The following UBE3D variants were observed in gnomAD, a reference collection of about 807,000 sequenced individuals.
UBE3D encodes E3 ubiquitin-protein ligase E3D.
In UBE3D, 48 loss-of-function variants were observed where a neutral mutation model predicts 49.6. That is an observed-to-expected ratio of 0.97 (90% CI 0.77 to 1.23). The LOEUF (loss-of-function observed/expected upper bound fraction) is 1.23. UBE3D is among the 50% of genes most tolerant of loss of function. UBE3D has a pLI of 0.00. For synonymous variants in UBE3D, 189 were observed against 174.2 expected, an observed-to-expected ratio of 1.08 and a Z score of -0.67; for missense variants, 452 against 468.4, an observed-to-expected ratio of 0.96 and a Z score of 0.32.
At chr6:82,982,544 C>T (rs1054820770) in intron 8 of UBE3D, among the ~76,000 whole-genome samples, 21 of 152,120 alleles carry the variant, frequency 1.4e-4, no homozygotes, top group Non-Finnish European at 2.4e-4. Context: ...TGGATTTTGC[C>T]AGTTGCAACA....
chr6:83,004,607 T>C (rs1469037404), intron 8 of UBE3D, among the ~76,000 whole-genome samples: 1 of 152,194 alleles, frequency 6.6e-6, no homozygotes, highest in African/African-American at 2.4e-5. Context: ...ATAATTTTGT[T>C]TAATAATAAT....
chr6:83,049,852 C>T, intron 3 of UBE3D: 3 of 467,264 alleles, frequency 6.4e-6, no homozygotes, highest in Non-Finnish European at 1.3e-5. Context: ...TTCTAAAATA[C>T]ATAAATTCCA....
At chr6:83,018,911 C>T in intron 8 of UBE3D, 62 bp downstream of exon 8, 1 of 1,584,862 alleles carries the variant, frequency 6.3e-7, no homozygotes, top group Non-Finnish European at 8.6e-7. Flanking sequence ...AATTTCTTAA[C>T]ACCAACATGA....
intron 9 of UBE3D, among the ~76,000 whole-genome samples, chr6:82,893,522 C>T: frequency 6.6e-6 from 1 of 152,140 alleles, no homozygotes; most frequent in Non-Finnish European, 1.5e-5. Flanking sequence ...AAAATTAATT[C>T]ACACAGTCTT....
At chr6:82,997,088 C>T (rs1285644352) in intron 8 of UBE3D, among the ~76,000 whole-genome samples, 3 of 152,062 alleles carry the variant, frequency 2.0e-5, no homozygotes, top group Non-Finnish European at 4.4e-5. Flanking sequence ...TTCTAAATTA[C>T]TTCTAAATTT....
rs189411410 is a variant in UBE3D, at chr6:83,044,517, C to T, written c.508G>A (p.Val170Met). Residue 170 changes from valine to methionine, a missense_variant, in exon 4 of 10, where the codon GTG (valine) becomes ATG (methionine). Coordinates refer to ENST00000369747, the MANE Select transcript of UBE3D (RefSeq NM_198920.3). Reference sequence around the variant, plus strand: ...TGCCACAAACTGGTTCTTAAATTCACCAAGAAGAAAGAGTCTCCAATAAAA... The same window carrying T: ...TGCCACAAACTGGTTCTTAAATTCATCAAGAAGAAAGAGTCTCCAATAAAA... ...DCFIGDSFFL[V>M]NLRTSLWQQR... 3.1e-6 allele frequency: 5 copies of T among 1,614,080 alleles called. No homozygotes were observed. The highest frequency in any genetic ancestry group is 4.2e-6 in the Non-Finnish European group (5 of 1,179,988).
intron 9 of UBE3D, among the ~76,000 whole-genome samples, chr6:82,943,007 C>T (rs1007948885): frequency 1.2e-4 from 19 of 152,214 alleles, no homozygotes; most frequent in Non-Finnish European, 2.4e-4. Context: ...GGGGGCTGTA[C>T]CCTGCAAAGC....
intron 9 of UBE3D, among the ~76,000 whole-genome samples, chr6:82,935,349 G>A (rs1774489717): frequency 6.6e-6 from 1 of 152,022 alleles, no homozygotes; most frequent in South Asian, 2.1e-4. Context: ...ACACCCCTGT[G>A]ACCCAAACAG....
intron 1 of UBE3D, among the ~76,000 whole-genome samples, chr6:83,062,895 G>A (rs1784256434): frequency 6.6e-6 from 1 of 152,068 alleles, no homozygotes; most frequent in African/African-American, 2.4e-5. Flanking sequence ...AAAGAACTTT[G>A]ATCCCTACTT....
downstream of UBE3D, among the ~76,000 whole-genome samples, chr6:82,888,585 G>C (rs916298624): frequency 6.6e-6 from 1 of 152,022 alleles, no homozygotes; most frequent in Admixed American, 6.6e-5. Flanking sequence ...GCTGCCAAAG[G>C]TCCCAGGAAG....
intron 8 of UBE3D, among the ~76,000 whole-genome samples, chr6:82,968,110 T>G (rs1276336545): frequency 1.3e-5 from 2 of 152,102 alleles, no homozygotes; most frequent in Non-Finnish European, 2.9e-5. Flanking sequence ...AACATTAAGT[T>G]TTCATTTCTC....
At chr6:82,998,872 C>T (rs1003005246) in intron 8 of UBE3D, among the ~76,000 whole-genome samples, 8 of 152,162 alleles carry the variant, frequency 5.3e-5, no homozygotes, top group South Asian at 2.1e-4. Context: ...CTCAACTGTC[C>T]GCTTTCTCTG....
chr6:82,929,705 T>G (rs2127743139), intron 9 of UBE3D, among the ~76,000 whole-genome samples: 1 of 152,306 alleles, frequency 6.6e-6, no homozygotes, highest in East Asian at 1.9e-4. Context: ...TTTTGCTTTT[T>G]TTCTTCTCCA....
intron 2 of UBE3D, among the ~76,000 whole-genome samples, chr6:83,055,481 A>C (rs1265859677): frequency 1.3e-5 from 2 of 152,262 alleles, no homozygotes; most frequent in African/African-American, 4.8e-5. Flanking sequence ...AACTTTGAGC[A>C]GATTAAAAGG....
At chr6:83,053,327 A>C (rs1289961179) in intron 3 of UBE3D, among the ~76,000 whole-genome samples, 1 of 152,222 alleles carries the variant, frequency 6.6e-6, no homozygotes, top group South Asian at 2.1e-4. Flanking sequence ...TTCAGACAGG[A>C]AGGATCCGTT....
At chr6:82,990,663 T>C (rs765235936) in intron 8 of UBE3D, among the ~76,000 whole-genome samples, 4 of 152,164 alleles carry the variant, frequency 2.6e-5, no homozygotes, top group Non-Finnish European at 5.9e-5. Flanking sequence ...TCACCCTATC[T>C]TATGTAAAGT....
chr6:82,979,404 T>C (rs985694235), intron 8 of UBE3D, among the ~76,000 whole-genome samples: 1 of 152,120 alleles, frequency 6.6e-6, no homozygotes, highest in Non-Finnish European at 1.5e-5. Flanking sequence ...TCTGCAACAT[T>C]CCTAACATGT....
chr6:82,897,389 G>A (rs570392299), intron 9 of UBE3D, among the ~76,000 whole-genome samples: 6 of 152,046 alleles, frequency 3.9e-5, no homozygotes, highest in East Asian at 2.0e-4. Context: ...TCAGGAGTTC[G>A]AGACCAGCCT....
At chr6:83,015,155 A>T (rs1780611266) in intron 8 of UBE3D, among the ~76,000 whole-genome samples, 2 of 152,146 alleles carry the variant, frequency 1.3e-5, no homozygotes, top group Non-Finnish European at 2.9e-5. Context: ...GTTAGATCTG[A>T]TATACAGAGA....
Sources: gnomAD v4.1 joint callset for allele counts (sites outside exome capture counted in the v4.1 genomes callset) on GRCh38, gnomAD v4.1.1 for gene constraint, MANE v1.5 for transcripts, NCBI Gene and HGNC (gene_info 2026-07-23, HGNC 2026-07-21) for gene names.